The following GPHN variants were observed in gnomAD, a reference collection of about 807,000 sequenced individuals.
The protein encoded by GPHN is gephyrin.
In GPHN, 17 loss-of-function variants were observed where a neutral mutation model predicts 95.5. The ratio of observed to expected loss-of-function variants is 0.18; its 90% confidence interval spans 0.12 to 0.27. GPHN has a LOEUF of 0.27. Among genes scored for constraint, GPHN ranks in the 10% least tolerant of loss-of-function variants. The pLI, the probability that GPHN is intolerant of heterozygous loss-of-function variation, is 1.00. For missense variants in GPHN, 660 were observed against 978.1 expected (o/e 0.67, Z 4.34); for synonymous variants, 320 against 322.5 (o/e 0.99, Z 0.08).
At chr14:67,670,918 C>T in the GPHN span, among the ~76,000 whole-genome samples, 1 of 152,024 alleles carries the variant, frequency 6.6e-6, no homozygotes, top group African/African-American at 2.4e-5. Context: ...TGAAAAATGA[C>T]TGAATTCAAT....
At chr14:67,559,412 A>G in the GPHN span, among the ~76,000 whole-genome samples, 3 of 152,166 alleles carry the variant, frequency 2.0e-5, no homozygotes. Flanking sequence ...CGTGGTGAAC[A>G]CTTAGACTAT....
chr14:66,616,941 C>T (rs560651231), intron 1 of GPHN, among the ~76,000 whole-genome samples: 24 of 152,262 alleles, frequency 1.6e-4, no homozygotes, highest in Non-Finnish European at 2.6e-4. Context: ...CTCCTGACCT[C>T]GTGATCTGCC....
chr14:67,007,508 G>T (rs925837117), intron 9 of GPHN, among the ~76,000 whole-genome samples: 9 of 152,140 alleles, frequency 5.9e-5, no homozygotes, highest in Admixed American at 5.2e-4. Context: ...ATTAGTTTTA[G>T]AGCCATGTAG....
intron 13 of GPHN, among the ~76,000 whole-genome samples, chr14:67,103,354 G>T (rs529870156): frequency 6.6e-6 from 1 of 152,086 alleles, no homozygotes; most frequent in African/African-American, 2.4e-5. Flanking sequence ...GTCTCTTGTG[G>T]TTTCATACAA....
At chr14:66,546,130 A>T (rs2140123903) in intron 1 of GPHN, among the ~76,000 whole-genome samples, 1 of 146,398 alleles carries the variant, frequency 6.8e-6, no homozygotes, top group Non-Finnish European at 1.5e-5. Context: ...ATCTCAGACG[A>T]TGGGCGGCCA....
At chr14:67,653,459 T>C in the GPHN span, 1 of 1,614,052 alleles carries the variant, frequency 6.2e-7, no homozygotes, top group Non-Finnish European at 8.5e-7. Context: ...GAACGGAGAA[T>C]CTTCCGACTT....
chr14:67,459,649 G>A, the GPHN span, among the ~76,000 whole-genome samples: 1 of 152,238 alleles, frequency 6.6e-6, no homozygotes, highest in Non-Finnish European at 1.5e-5. Flanking sequence ...TTACACGTAA[G>A]CTTCTTGAGG....
At chr14:67,291,474 G>A in the GPHN span, among the ~76,000 whole-genome samples, 7 of 151,994 alleles carry the variant, frequency 4.6e-5, no homozygotes, top group African/African-American at 1.7e-4. Context: ...TAATAGAGAC[G>A]GGGTTTTACC....
intron 3 of GPHN, among the ~76,000 whole-genome samples, chr14:66,781,731 A>G (rs2059614540): frequency 6.6e-6 from 1 of 152,152 alleles, no homozygotes; most frequent in Non-Finnish European, 1.5e-5. Flanking sequence ...TCTTTGTTTA[A>G]TTGTAAAATA....
chr14:67,408,632 G>A, the GPHN span, among the ~76,000 whole-genome samples: 1 of 152,120 alleles, frequency 6.6e-6, no homozygotes, highest in Non-Finnish European at 1.5e-5. Context: ...TGGTTGCACT[G>A]AAGTATTTAG....
At chr14:67,144,559 A>G (rs1357140754) in intron 18 of GPHN, among the ~76,000 whole-genome samples, 1 of 151,986 alleles carries the variant, frequency 6.6e-6, no homozygotes, top group African/African-American at 2.4e-5. Flanking sequence ...GTTTTCTCTC[A>G]CATTAATGAC....
intron 2 of GPHN, among the ~76,000 whole-genome samples, chr14:66,688,843 T>TCATAAGTGGGAGTTTAA (rs1243137351): frequency 6.9e-6 from 1 of 144,900 alleles, no homozygotes. Flanking sequence ...ATGTTCTCAC[T>TCATAAGTGGGAGTTTAA]CATAAGTGGG....
At chr14:67,545,657 C>T in the GPHN span, among the ~76,000 whole-genome samples, 2 of 152,068 alleles carry the variant, frequency 1.3e-5, no homozygotes, top group Non-Finnish European at 2.9e-5. Context: ...TTCTAAATGT[C>T]CATCAACAGA....
intron 13 of GPHN, among the ~76,000 whole-genome samples, chr14:67,105,590 C>A (rs368776854): frequency 6.6e-6 from 1 of 152,106 alleles, no homozygotes; most frequent in Non-Finnish European, 1.5e-5. Flanking sequence ...AATGACCTCT[C>A]ATATTTCTTT....
the GPHN span, among the ~76,000 whole-genome samples, chr14:67,211,252 A>T: frequency 6.6e-6 from 1 of 152,298 alleles, no homozygotes; most frequent in Non-Finnish European, 1.5e-5. Flanking sequence ...GATATAGATA[A>T]AATATAGGTG....
chr14:66,711,575 C>T (rs2069626213), intron 2 of GPHN, among the ~76,000 whole-genome samples: 1 of 143,110 alleles, frequency 7.0e-6, no homozygotes, highest in South Asian at 2.2e-4. Flanking sequence ...TTTGCTGGAT[C>T]AAATGGTAGT....
At chr14:66,922,074 G>A (rs924850711) in intron 6 of GPHN, among the ~76,000 whole-genome samples, 1 of 151,902 alleles carries the variant, frequency 6.6e-6, no homozygotes, top group Non-Finnish European at 1.5e-5. Context: ...GATGAATTAA[G>A]GACTTAAACC....
intron 2 of GPHN, among the ~76,000 whole-genome samples, chr14:66,719,997 G>A (rs916312592): frequency 6.6e-6 from 1 of 151,850 alleles, no homozygotes; most frequent in East Asian, 1.9e-4. Flanking sequence ...ATTGTTTTTT[G>A]TAAGGCAGTA....
the GPHN span, among the ~76,000 whole-genome samples, chr14:67,538,013 G>A: frequency 6.6e-6 from 1 of 152,190 alleles, no homozygotes; most frequent in African/African-American, 2.4e-5. Context: ...CATAAGACTG[G>A]CCAACAGCTG....
Sources: allele counts gnomAD v4.1 joint callset (sites outside exome capture counted in the v4.1 genomes callset), GRCh38; gene constraint gnomAD v4.1.1; transcripts MANE v1.5; gene names NCBI Gene and HGNC (gene_info 2026-07-23, HGNC 2026-07-21).